The following C1orf146 variants were observed in gnomAD, a reference collection of about 807,000 sequenced individuals.
C1orf146 encodes the protein protein SPO16 homolog.
A neutral mutation model predicts 23.0 loss-of-function variants in C1orf146; 22 were observed. The observed-to-expected ratio is 0.96, with a 90% confidence interval of 0.68 to 1.36. The LOEUF (loss-of-function observed/expected upper bound fraction) is 1.36. Ranked by LOEUF, C1orf146 falls within the 40% of genes most tolerant of loss-of-function variation. C1orf146 has a pLI of 0.00. For missense variants in C1orf146, 199 were observed against 206.8 expected, an observed-to-expected ratio of 0.96 and a Z score of 0.23; for synonymous variants, 59 against 65.3, an observed-to-expected ratio of 0.90 and a Z score of 0.47.
At chr1:92,218,550 T>A (rs1202014334) in intron 1 of C1orf146, among the ~76,000 whole-genome samples, 3 of 152,138 alleles carry the variant, frequency 2.0e-5, no homozygotes, top group Non-Finnish European at 4.4e-5. Flanking sequence ...CCACGCTTTT[T>A]GTTTTTATTT....
intron 1 of C1orf146, among the ~76,000 whole-genome samples, chr1:92,223,503 T>A (rs1651887437): frequency 6.6e-6 from 1 of 152,184 alleles, no homozygotes; most frequent in Non-Finnish European, 1.5e-5. Context: ...TTTTTTACTA[T>A]TGAGCCTTGA....
intron 1 of C1orf146, among the ~76,000 whole-genome samples, chr1:92,221,501 A>G (rs1278595663): frequency 6.6e-6 from 1 of 152,226 alleles, no homozygotes; most frequent in Admixed American, 6.5e-5. Context: ...TGAAATTTAA[A>G]AAGAAATTTT....
intron 2 of C1orf146, among the ~76,000 whole-genome samples, chr1:92,233,714 T>TC (rs2100739462): frequency 6.6e-6 from 1 of 152,330 alleles, no homozygotes; most frequent in East Asian, 1.9e-4. Context: ...ATGGCCATTT[T>TC]CCCGATATTG....
chr1:92,236,719 C>T (rs1419906387), intron 2 of C1orf146, among the ~76,000 whole-genome samples: 1 of 152,136 alleles, frequency 6.6e-6, no homozygotes, highest in East Asian at 1.9e-4. Context: ...AACTTGGTTC[C>T]ATTCTCCCCG....
At chr1:92,229,694 A>G (rs534836798) in intron 1 of C1orf146, among the ~76,000 whole-genome samples, 129 of 152,356 alleles carry the variant, frequency 8.5e-4, no homozygotes, top group African/African-American at 2.9e-3. Context: ...ATTGGAAATA[A>G]TAATTTGTGT....
chr1:92,233,728 C>G lies in C1orf146; in HGVS notation c.66+2242C>G, dbSNP rs538795141. On this transcript the variant is annotated intron_variant, in intron 2 of 5. Coordinates refer to ENST00000370375, the MANE Select transcript of C1orf146 (RefSeq NM_001012425.2). ...TATGGCCATTTTCCCGATATTGATT[C>G]TTCCTACCCATGAGCATGGAATGTT... Among the ~76,000 whole-genome samples, 11 of 152,282 alleles carry G rather than the reference C, an allele frequency of 7.2e-5. 1 individual carries two copies. The South Asian group carries it at 2.3e-3, about 32-fold the overall frequency.
intron 1 of C1orf146, among the ~76,000 whole-genome samples, chr1:92,230,858 G>A (rs988159498): frequency 1.3e-5 from 2 of 152,130 alleles, no homozygotes; most frequent in Non-Finnish European, 2.9e-5. Context: ...AGACAGGTTT[G>A]CTTACAAGAT....
chr1:92,238,690 A>G (rs978265949), intron 2 of C1orf146, among the ~76,000 whole-genome samples: 1 of 152,058 alleles, frequency 6.6e-6, no homozygotes, highest in African/African-American at 2.4e-5. Context: ...ATTCATTAGC[A>G]TGATATTTAT....
chr1:92,245,788 C>T lies in C1orf146; in HGVS notation c.*114C>T. ...TATTAATTTGAAATAATAACATATA[C>T]AATTAAAAGTGATTTTATTTTAGGA... On this transcript the variant is annotated 3_prime_UTR_variant, in exon 6 of 6. Coordinates refer to ENST00000370375, the MANE Select transcript of C1orf146 (RefSeq NM_001012425.2). 1 of 657,844 alleles carries T rather than the reference C, an allele frequency of 1.5e-6. No homozygotes were observed. The highest frequency in any genetic ancestry group is 2.4e-6 in the Non-Finnish European group (1 of 422,236). 40.8% of individuals were successfully genotyped at this position (657,844 alleles called of 1,614,324 possible).
chr1:92,239,457 G>A (rs1473201457), intron 2 of C1orf146, among the ~76,000 whole-genome samples: 1 of 152,080 alleles, frequency 6.6e-6, no homozygotes, highest in East Asian at 1.9e-4. Context: ...GGACACTCAA[G>A]TTTGAATTTC....
intron 1 of C1orf146, among the ~76,000 whole-genome samples, chr1:92,224,761 T>C (rs768134928): frequency 6.6e-6 from 1 of 152,016 alleles, no homozygotes; most frequent in Non-Finnish European, 1.5e-5. Flanking sequence ...TTTGTTCTTC[T>C]TTTTTTTCGT....
Position 92,245,600 on chromosome 1 carries a change from A to G in C1orf146, c.469A>G (p.Ile157Val). The G allele has an allele frequency of 6.2e-7, 1 of 1,600,888 alleles. No individual in the cohort carries two copies. Among genetic ancestry groups the G allele is most frequent in the Non-Finnish European group, 8.5e-7 (1 of 1,174,800 alleles). ...CYRMITAKAY[I>V]IEQSPVWKTL... is the part of the protein sequence containing the mutation. ...CAGAATGATAACAGCTAAAGCTTAC[A>G]TCATTGAGCAAAGTCCTGTTTGGAA... The change falls in exon 6 of 6, where the codon ATC becomes GTC. Residue 157 changes from isoleucine (I) to valine (V), a missense_variant. Transcript: ENST00000370375.
At chr1:92,226,935 T>C (rs1291575301) in intron 1 of C1orf146, among the ~76,000 whole-genome samples, 1 of 152,212 alleles carries the variant, frequency 6.6e-6, no homozygotes, top group Non-Finnish European at 1.5e-5. Flanking sequence ...TTTTAAACCA[T>C]AATTTGCTGA....
At chr1:92,225,002 A>G (rs1651932256) in intron 1 of C1orf146, among the ~76,000 whole-genome samples, 1 of 152,074 alleles carries the variant, frequency 6.6e-6, no homozygotes, top group Non-Finnish European at 1.5e-5. Context: ...CGGCCTCCCA[A>G]AGCTCTGGGA....
chr1:92,218,875 C>T (rs1450600923), intron 1 of C1orf146, among the ~76,000 whole-genome samples: 1 of 152,204 alleles, frequency 6.6e-6, no homozygotes, highest in Admixed American at 6.5e-5. Context: ...AGCTTTTCCC[C>T]AGAAATGCTG....
At chr1:92,235,961 T>C (rs1257051035) in intron 2 of C1orf146, among the ~76,000 whole-genome samples, 1 of 152,180 alleles carries the variant, frequency 6.6e-6, no homozygotes, top group African/African-American at 2.4e-5. Context: ...TCCATTTGTT[T>C]GGTAGATCTT....
chr1:92,226,684 G>A (rs1444955472), intron 1 of C1orf146, among the ~76,000 whole-genome samples: 1 of 151,928 alleles, frequency 6.6e-6, no homozygotes, highest in East Asian at 1.9e-4. Flanking sequence ...TGTTTTTATT[G>A]TAAGCAGCAT....
intron 1 of C1orf146, among the ~76,000 whole-genome samples, chr1:92,225,012 A>G (rs753902368): frequency 6.6e-6 from 1 of 151,920 alleles, no homozygotes; most frequent in Non-Finnish European, 1.5e-5. Context: ...AAGCTCTGGG[A>G]TTACAGGCAT....
chr1:92,218,130 GCT>G (rs1651721993), intron 1 of C1orf146, 82 bp downstream of exon 1: 1 of 152,262 alleles, frequency 6.6e-6, no homozygotes, highest in African/African-American at 2.4e-5. Flanking sequence ...CCGGCGTAGT[GCT>G]CTCTGACTTG....
Sources: gnomAD v4.1 joint callset for allele counts (sites outside exome capture counted in the v4.1 genomes callset) on GRCh38, gnomAD v4.1.1 for gene constraint, MANE v1.5 for transcripts, NCBI Gene and HGNC (gene_info 2026-07-23, HGNC 2026-07-21) for gene names.